The following STK4 variants were observed in gnomAD, a reference collection of about 807,000 sequenced individuals.
STK4 encodes serine/threonine-protein kinase 4.
A neutral mutation model predicts 64.9 loss-of-function variants in STK4; 30 were observed. The observed-to-expected ratio is 0.46, with a 90% CI of 0.35 to 0.63. STK4 has a LOEUF of 0.63. Ranked by LOEUF, STK4 falls within the 20% of genes least tolerant of loss-of-function variation. The probability of loss-of-function intolerance (pLI) is 0.01; values close to 1 mark genes in which losing one functional copy is unlikely to be tolerated. For missense variants in STK4, 466 were observed against 598.5 expected (o/e 0.78, Z 2.31); for synonymous variants, 177 against 199.0 (o/e 0.89, Z 0.93).
At chr20:45,011,725 ATATATTTTTTTTTT>A (rs2068049863) in intron 9 of STK4, among the ~76,000 whole-genome samples, 1 of 106,960 alleles carries the variant, frequency 9.3e-6, no homozygotes, top group African/African-American at 3.8e-5. Flanking sequence ...ATATATATAT[ATATATTTTTTTTTT>A]TTTTTTTAAG....
intron 4 of STK4, among the ~76,000 whole-genome samples, chr20:44,983,491 T>A (rs1233097524): frequency 6.6e-6 from 1 of 152,142 alleles, no homozygotes; most frequent in African/African-American, 2.4e-5. Flanking sequence ...GCGCCTGTAG[T>A]CCCAGCTAAC....
intron 10 of STK4, among the ~76,000 whole-genome samples, chr20:45,059,022 A>G (rs907004589): frequency 7.9e-5 from 12 of 152,148 alleles, no homozygotes; most frequent in South Asian, 2.1e-4. Context: ...CCCCTTGTCA[A>G]TGGGGGAATA....
chr20:44,986,569 T>A (rs1224163943), intron 4 of STK4, among the ~76,000 whole-genome samples: 1 of 152,218 alleles, frequency 6.6e-6, no homozygotes, highest in African/African-American at 2.4e-5. Flanking sequence ...GCTTACATTT[T>A]AATTATAGCT....
chr20:45,005,411 C>G (rs951882296), intron 9 of STK4, among the ~76,000 whole-genome samples: 1 of 151,704 alleles, frequency 6.6e-6, no homozygotes, highest in Non-Finnish European at 1.5e-5. Flanking sequence ...TTTGGGAGGC[C>G]GAGGCAGGCG....
At chr20:45,020,863 G>C (rs928707924) in intron 9 of STK4, among the ~76,000 whole-genome samples, 2 of 151,556 alleles carry the variant, frequency 1.3e-5, no homozygotes, top group Admixed American at 6.6e-5. Flanking sequence ...CCAGGCTGGA[G>C]TACAGTTGTG....
chr20:45,036,397 G>A (rs1043876630), intron 10 of STK4, among the ~76,000 whole-genome samples: 6 of 152,072 alleles, frequency 3.9e-5, no homozygotes, highest in Non-Finnish European at 5.9e-5. Context: ...TGCAGTACAC[G>A]GTACCCACTC....
rs528126240 is a variant in STK4, at chr20:45,075,113, G to T, written c.1401G>T (p.Gln467His). ...TTGAAGAGATCCGGCAGAAGTACCAGTCCAAGCGGCAGCCCATCCTGGATG... is the reference window on the plus strand; with the variant it reads ...TTGAAGAGATCCGGCAGAAGTACCATTCCAAGCGGCAGCCCATCCTGGATG... ...QEIEEIRQKY[Q>H]SKRQPILDAI... The change falls in exon 11 of 11, where the codon CAG becomes CAT. Residue 467 changes from glutamine to histidine, a missense_variant. Around this residue, in one of 2 missense-constraint regions of STK4, gnomAD observed 276 missense variants for 308.9 expected, o/e 0.89. Coordinates refer to ENST00000372806, the MANE Select transcript of STK4 (RefSeq NM_006282.5). 2.1e-5 allele frequency: 34 copies of T among 1,614,082 alleles called. No individual in the cohort carries two copies. Among genetic ancestry groups the T allele is most frequent in the African/African-American group, 2.7e-5 (2 of 74,928 alleles).
At chr20:45,000,613 A>T (rs1370174170) in intron 8 of STK4, 93 bp downstream of exon 8, 1 of 1,553,410 alleles carries the variant, frequency 6.4e-7, no homozygotes, top group Non-Finnish European at 8.8e-7. Flanking sequence ...GTATTGGATC[A>T]ACTTGGAGCT....
intron 1 of STK4, among the ~76,000 whole-genome samples, chr20:44,971,853 A>G (rs2067252884): frequency 6.6e-6 from 1 of 151,592 alleles, no homozygotes; most frequent in South Asian, 2.1e-4. Context: ...TTGTATTTTT[A>G]GTGGAGACGG....
intron 1 of STK4, among the ~76,000 whole-genome samples, chr20:44,967,956 A>G (rs1004012532): frequency 1.3e-5 from 2 of 152,184 alleles, no homozygotes; most frequent in Admixed American, 1.3e-4. Context: ...TTTTTGAACC[A>G]TAAAAACCTC....
At position 44,997,150 on chromosome 20, in the gene STK4, G is replaced by C; in HGVS notation, c.694-19G>C. On this transcript the variant is annotated intron_variant, in intron 6 of 10. Coordinates refer to ENST00000372806, the MANE Select transcript of STK4 (RefSeq NM_006282.5). ...TTTATTTTACCAGATCTTTTTGTTT[G>C]TTTGTTTGTTCTAACCAGGCAATCT... is the stretch of plus-strand genomic sequence containing the variant. The C allele has an allele frequency of 6.2e-7, 1 of 1,612,022 alleles. No individual in the cohort carries two copies. Among genetic ancestry groups the C allele is most frequent in the Non-Finnish European group, 8.5e-7 (1 of 1,178,984 alleles).
At chr20:45,041,945 C>T (rs2068620825) in intron 10 of STK4, among the ~76,000 whole-genome samples, 1 of 152,090 alleles carries the variant, frequency 6.6e-6, no homozygotes, top group African/African-American at 2.4e-5. Flanking sequence ...AAGTTTGAAT[C>T]TCATTACAAC....
intron 5 of STK4, among the ~76,000 whole-genome samples, chr20:44,988,536 T>TGTGTGTGTGTGTGC (rs2067575375): frequency 9.4e-6 from 1 of 106,922 alleles, no homozygotes; most frequent in Non-Finnish European, 1.9e-5. Context: ...TGTGTGTGTA[T>TGTGTGTGTGTGTGC]ATATATATAT....
At chr20:44,981,011 A>G (rs2067428665) in intron 3 of STK4, among the ~76,000 whole-genome samples, 1 of 151,942 alleles carries the variant, frequency 6.6e-6, no homozygotes, top group African/African-American at 2.4e-5. Flanking sequence ...ATATTCTTCC[A>G]AATCACTTTG....
intron 10 of STK4, among the ~76,000 whole-genome samples, chr20:45,062,007 G>A (rs1325839838): frequency 6.6e-6 from 1 of 151,278 alleles, no homozygotes; most frequent in Non-Finnish European, 1.5e-5. Context: ...AGCCTCCTAA[G>A]TAGCTGGGAT....
At chr20:45,065,141 G>GTT (rs71339818) in intron 10 of STK4, among the ~76,000 whole-genome samples, 74 of 146,502 alleles carry the variant, frequency 5.1e-4, no homozygotes, top group African/African-American at 8.2e-4. Flanking sequence ...GTTTGTTGAG[G>GTT]TTTTTTTTTT....
intron 10 of STK4, among the ~76,000 whole-genome samples, chr20:45,041,380 T>C (rs6103983): frequency 0.062 from 9,367 of 152,184 alleles, 963 homozygotes; most frequent in African/African-American, 0.21. Flanking sequence ...AGTAGTGTCC[T>C]GTCCATACTT....
chr20:44,981,158 T>G (rs1328503302), intron 3 of STK4, among the ~76,000 whole-genome samples: 3 of 151,980 alleles, frequency 2.0e-5, no homozygotes, highest in Admixed American at 6.6e-5. Flanking sequence ...GGCTATAGCA[T>G]TCTTTGTTTT....
chr20:45,048,419 G>A (rs1288861547), intron 10 of STK4, among the ~76,000 whole-genome samples: 4 of 152,138 alleles, frequency 2.6e-5, no homozygotes, highest in Non-Finnish European at 5.9e-5. Flanking sequence ...ACTGAGGTGG[G>A]CTGCCCTAAA....
Sources: allele counts gnomAD v4.1 joint callset (sites outside exome capture counted in the v4.1 genomes callset), GRCh38; gene constraint gnomAD v4.1.1; regional missense constraint gnomAD v4.1.1; transcripts MANE v1.5; gene names NCBI Gene and HGNC (gene_info 2026-07-23, HGNC 2026-07-21).